CRTAM: variants seen among roughly 807,000 people sequenced by gnomAD.
The protein encoded by CRTAM is cytotoxic and regulatory T cell molecule.
Under a neutral mutation model 50.0 loss-of-function variants are expected in CRTAM, and 44 were observed. The ratio of observed to expected loss-of-function variants is 0.88; its 90% CI spans 0.69 to 1.13. CRTAM has a LOEUF of 1.13. Among genes scored for constraint, CRTAM ranks in the 50% most tolerant of loss-of-function variants. The probability of loss-of-function intolerance (pLI) is 0.00; values close to 1 mark genes in which losing one functional copy is unlikely to be tolerated. For synonymous variants in CRTAM, 159 were observed against 169.3 expected (o/e 0.94, Z 0.47); for missense variants, 448 against 457.5 (o/e 0.98, Z 0.19).
In CRTAM at chr11:122,864,703, T is replaced by C. The variant is rs140981632; in HGVS notation, c.801T>C (p.Asp267=). The change falls in exon 7 of 10, where the codon GAT becomes GAC. Residue 267 remains aspartate, a synonymous_variant. Transcript: ENST00000227348. ...AAGAGAAAGAACAAACCACTCAAGA[T>C]CCTGACTTGACCACCGGTAAGTGTC... ...DKEEKEQTTQ[D]PDLTTEANPQ... 8.4e-5 allele frequency: 135 copies of C among 1,612,740 alleles called. No homozygotes were observed. In the African/African-American group the frequency reaches 1.5e-3, roughly 18 times the overall value.
intron 1 of CRTAM, among the ~76,000 whole-genome samples, chr11:122,845,079 T>C (rs891673082): frequency 6.6e-6 from 1 of 152,048 alleles, no homozygotes; most frequent in African/African-American, 2.4e-5. Context: ...CTGACCTCCG[T>C]TGTGTGAAGG....
rs1176629829 is a variant in CRTAM at position 122,868,002 on chromosome 11, T to C, written c.965-11T>C. On this transcript the variant is annotated splice_polypyrimidine_tract_variant and intron_variant, in intron 8 of 9. Transcript: ENST00000227348. ...ATCAGAAATTAGTTGCTTGATTTTC[T>C]TTTTTTGTAGAAAACGAAGTTTCAG... 11 of 1,560,372 alleles carry C rather than the reference T, an allele frequency of 7.0e-6. No homozygotes were observed. In the South Asian group the frequency reaches 1.1e-4, roughly 16 times the overall value.
At chr11:122,849,498 G>A (rs779730499) in intron 1 of CRTAM, among the ~76,000 whole-genome samples, 3 of 152,166 alleles carry the variant, frequency 2.0e-5, no homozygotes, top group Non-Finnish European at 2.9e-5. Flanking sequence ...GAGGTGGGCA[G>A]ATGACTTGAG....
intron 1 of CRTAM, among the ~76,000 whole-genome samples, chr11:122,841,894 G>C (rs1428055708): frequency 6.6e-6 from 1 of 152,142 alleles, no homozygotes; most frequent in Non-Finnish European, 1.5e-5. Flanking sequence ...GGAAACTAGG[G>C]GAAAGACATT....
At chr11:122,868,941 G>A (rs974225469) in intron 9 of CRTAM, among the ~76,000 whole-genome samples, 3 of 152,056 alleles carry the variant, frequency 2.0e-5, no homozygotes, top group African/African-American at 4.8e-5. Context: ...CCCGGGAGGC[G>A]GAGCTTGCAG....
Position 122,838,802 on chromosome 11 carries a change from A to C in CRTAM, c.46+210A>C, listed in dbSNP as rs118176702. 2.6e-3 allele frequency among the ~76,000 whole-genome samples: 398 copies of C among 152,290 alleles called. 1 individual carries two copies. The highest frequency in any genetic ancestry group is 4.3e-3 in the Non-Finnish European group (290 of 68,024). On this transcript the variant is annotated intron_variant, in intron 1 of 9. Transcript: ENST00000227348. ...CTCGTTCAATGGCTAAGGAGTATAGAAAGGATCATTATAGTGTGTGTCTCT... is the reference window on the plus strand; with the variant it reads ...CTCGTTCAATGGCTAAGGAGTATAGCAAGGATCATTATAGTGTGTGTCTCT...
intron 1 of CRTAM, among the ~76,000 whole-genome samples, chr11:122,841,400 C>T (rs949874568): frequency 1.3e-4 from 15 of 114,524 alleles, no homozygotes; most frequent in African/African-American, 5.5e-4. Flanking sequence ...TATACTTTTA[C>T]TCTATTTTTT....
chr11:122,858,400 A>G (rs1862032225), intron 5 of CRTAM, among the ~76,000 whole-genome samples: 1 of 151,670 alleles, frequency 6.6e-6, no homozygotes, highest in Non-Finnish European at 1.5e-5. Flanking sequence ...TAATTTTCAT[A>G]TATTTTGTAG....
intron 6 of CRTAM, among the ~76,000 whole-genome samples, chr11:122,863,321 A>AAG (rs1426530145): frequency 1.9e-5 from 2 of 103,646 alleles, no homozygotes; most frequent in African/African-American, 3.2e-5. Context: ...GAAAGAAAGA[A>AAG]AAAGAAAGAA....
intron 7 of CRTAM, 141 bp from the exon 8 acceptor site, chr11:122,867,268 G>C: frequency 1.5e-6 from 1 of 666,842 alleles, no homozygotes; most frequent in Non-Finnish European, 2.5e-6. Context: ...TTTACCTTCA[G>C]GGGTAAGCTC....
Position 122,860,012 on chromosome 11 carries a change from G to A in CRTAM, c.653-2452G>A, listed in dbSNP as rs890303429. On this transcript the variant is annotated intron_variant, in intron 5 of 9. Transcript: ENST00000227348. The stretch of plus-strand genomic sequence containing the variant: ...TCACAGTGGTGGATACAAGTTGTCC[G>A]AAATTTGAACTTTAAGTGTGACTAT... Among the ~76,000 whole-genome samples, 9 of 152,270 alleles carry A rather than the reference G, an allele frequency of 5.9e-5. No homozygotes were observed. In the East Asian group the frequency reaches 1.2e-3, roughly 20 times the overall value.
Position 122,854,099 on chromosome 11 carries a change from A to G in CRTAM, c.490+13A>G. On this transcript the variant is annotated intron_variant, in intron 4 of 9. Transcript: ENST00000227348. ...ATGGAAGTGTCCGGTAAGGGGAGAA[A>G]TGGTTCTCTTTGTCTTCCTTCCTAC... is the stretch of plus-strand genomic sequence containing the variant. 1 of 1,607,172 alleles carries G rather than the reference A, an allele frequency of 6.2e-7. No individual in the cohort carries two copies. The highest frequency in any genetic ancestry group is 8.5e-7 in the Non-Finnish European group (1 of 1,177,616).
intron 7 of CRTAM, among the ~76,000 whole-genome samples, chr11:122,866,902 C>T (rs1032991442): frequency 2.6e-5 from 4 of 152,162 alleles, no homozygotes; most frequent in African/African-American, 9.7e-5. Context: ...TGAGCCACTG[C>T]ACCTGGCTAG....
chr11:122,859,124 T>G (rs1461495171), intron 5 of CRTAM, among the ~76,000 whole-genome samples: 3 of 152,198 alleles, frequency 2.0e-5, no homozygotes, highest in Non-Finnish European at 4.4e-5. Context: ...TTTTATTTTA[T>G]TTTTTGAGAT....
Position 122,867,525 on chromosome 11 carries a change from C to T in CRTAM, c.934C>T (p.Leu312=). 1.9e-6 allele frequency: 3 copies of T among 1,613,998 alleles called. No individual in the cohort carries two copies. Among genetic ancestry groups the T allele is most frequent in the South Asian group, 1.1e-5 (1 of 91,070 alleles). The part of the protein sequence containing the change: ...FIIVQLFIMK[L]RKAHVIWKKE... ...CATAGTCCAGCTCTTCATCATGAAGCTGAGGAAAGCACATGTGATATGGAA... is the reference window on the plus strand; with the variant it reads ...CATAGTCCAGCTCTTCATCATGAAGTTGAGGAAAGCACATGTGATATGGAA... Residue 312 remains leucine (L), a synonymous_variant, in exon 8 of 10, where the codon CTG becomes TTG. Coordinates refer to ENST00000227348, the MANE Select transcript of CRTAM (RefSeq NM_019604.4).
intron 8 of CRTAM, 97 bp downstream of exon 8, chr11:122,867,652 T>G: frequency 8.2e-7 from 1 of 1,214,162 alleles, no homozygotes; most frequent in Non-Finnish European, 1.1e-6. Flanking sequence ...TGTCAGACAC[T>G]ACATAATCTA....
chr11:122,839,322 A>G (rs1190826568), intron 1 of CRTAM, among the ~76,000 whole-genome samples: 1 of 152,228 alleles, frequency 6.6e-6, no homozygotes, highest in African/African-American at 2.4e-5. Flanking sequence ...CTTAAAATGA[A>G]AATGATAAAA....
intron 1 of CRTAM, among the ~76,000 whole-genome samples, chr11:122,843,872 C>T (rs987765222): frequency 6.6e-6 from 1 of 152,212 alleles, no homozygotes; most frequent in Non-Finnish European, 1.5e-5. Context: ...TTAAGCACTA[C>T]AGTCTAAGCA....
chr11:122,850,440 G>T (rs1015250337), intron 2 of CRTAM, among the ~76,000 whole-genome samples: 2 of 152,192 alleles, frequency 1.3e-5, no homozygotes, highest in African/African-American at 4.8e-5. Flanking sequence ...GGTTGTTAAA[G>T]GGGGTTCAGA....
Sources: allele counts gnomAD v4.1 joint callset (sites outside exome capture counted in the v4.1 genomes callset), GRCh38; gene constraint gnomAD v4.1.1; transcripts MANE v1.5; gene names NCBI Gene and HGNC (gene_info 2026-07-23, HGNC 2026-07-21).